CSMD1: variants seen among roughly 807,000 people sequenced by gnomAD.
CSMD1 encodes CUB and Sushi multiple domains 1.
Under a neutral mutation model 417.5 loss-of-function variants are expected in CSMD1, and 213 were observed. The ratio of observed to expected loss-of-function variants is 0.51; its 90% CI spans 0.46 to 0.57. CSMD1 has a LOEUF of 0.57. Among genes scored for constraint, CSMD1 ranks in the 20% least tolerant of loss-of-function variants. The probability of loss-of-function intolerance (pLI) is 0.00; values close to 1 mark genes in which losing one functional copy is unlikely to be tolerated. For synonymous variants in CSMD1, 2,862 were observed against 1,736.8 expected, an observed-to-expected ratio of 1.65 and a Z score of -16.11; for missense variants, 6,923 against 4,529.7, an observed-to-expected ratio of 1.53 and a Z score of -15.17.
chr8:4,582,972 G>A (rs1482655785), intron 2 of CSMD1, among the ~76,000 whole-genome samples: 1 of 152,206 alleles, frequency 6.6e-6, no homozygotes, highest in African/African-American at 2.4e-5. Flanking sequence ...TAGCACCCGG[G>A]CCAGTGGCTG....
intron 5 of CSMD1, among the ~76,000 whole-genome samples, chr8:3,757,119 T>G (rs145542997): frequency 0.015 from 2,345 of 152,278 alleles, 25 homozygotes; most frequent in South Asian, 0.028. Flanking sequence ...GCACTTTATT[T>G]GCATGCCTAC....
intron 3 of CSMD1, among the ~76,000 whole-genome samples, chr8:4,135,953 T>G (rs1803406062): frequency 1.3e-5 from 2 of 152,290 alleles, no homozygotes; most frequent in Non-Finnish European, 2.9e-5. Flanking sequence ...AAACTATTGG[T>G]GTTAAGTCAA....
In CSMD1 at chr8:3,997,987, G is replaced by C. The variant is rs765075434; in HGVS notation, c.734C>G (p.Thr245Ser). The C allele has an allele frequency of 1.9e-6, 3 of 1,610,686 alleles. No individual in the cohort carries two copies. Among genetic ancestry groups the C allele is most frequent in the Non-Finnish European group, 2.5e-6 (3 of 1,178,330 alleles). The change falls in exon 5 of 70, where the codon ACC becomes AGC. Residue 245 changes from threonine (T) to serine (S), a missense_variant. Coordinates refer to ENST00000635120, the MANE Select transcript of CSMD1 (RefSeq NM_033225.6). Reference sequence around the variant, plus strand: ...AAAGTCAGTGAAGACCAGCGCAATGGTGTCCCCGGGCTCAGCCAGAATGGT... The same window carrying C: ...AAAGTCAGTGAAGACCAGCGCAATGCTGTCCCCGGGCTCAGCCAGAATGGT... ...TWTILAEPGD[T>S]IALVFTDFQL...
chr8:4,793,739 T>C (rs572566240), intron 1 of CSMD1, among the ~76,000 whole-genome samples: 2 of 151,894 alleles, frequency 1.3e-5, no homozygotes, highest in East Asian at 3.9e-4. Flanking sequence ...ATGACATTCA[T>C]TGGGATGTGG....
chr8:3,535,675 G>C (rs1367736146), intron 10 of CSMD1, among the ~76,000 whole-genome samples: 1 of 152,220 alleles, frequency 6.6e-6, no homozygotes, highest in Non-Finnish European at 1.5e-5. Flanking sequence ...ATCTATGCAT[G>C]TAACAAAATT....
intron 4 of CSMD1, among the ~76,000 whole-genome samples, chr8:4,029,180 T>A (rs982481874): frequency 2.0e-5 from 3 of 152,154 alleles, no homozygotes; most frequent in Non-Finnish European, 4.4e-5. Flanking sequence ...TGGCATCAAA[T>A]CTTTGAATCC....
intron 3 of CSMD1, among the ~76,000 whole-genome samples, chr8:4,267,530 C>T (rs555701781): frequency 2.0e-5 from 3 of 151,748 alleles, no homozygotes; most frequent in South Asian, 2.1e-4. Context: ...CCCAGCTACA[C>T]TGCAACTCCA....
intron 5 of CSMD1, among the ~76,000 whole-genome samples, chr8:3,817,111 C>A (rs552702340): frequency 1.2e-4 from 18 of 151,964 alleles, no homozygotes; most frequent in African/African-American, 4.3e-4. Flanking sequence ...AAATGAAGAT[C>A]TTATAGAGAG....
intron 8 of CSMD1, among the ~76,000 whole-genome samples, chr8:3,610,645 C>T (rs1801846493): frequency 6.6e-6 from 1 of 152,170 alleles, no homozygotes; most frequent in African/African-American, 2.4e-5. Flanking sequence ...CACTTCAATT[C>T]AACTCAATTT....
chr8:3,600,996 C>T (rs1801335628), intron 8 of CSMD1, among the ~76,000 whole-genome samples: 1 of 152,164 alleles, frequency 6.6e-6, no homozygotes, highest in African/African-American at 2.4e-5. Flanking sequence ...GGTCTCTGTA[C>T]TAATCTCTAT....
chr8:4,939,332 G>T (rs553375296), intron 1 of CSMD1, among the ~76,000 whole-genome samples: 2 of 152,282 alleles, frequency 1.3e-5, no homozygotes, highest in Admixed American at 1.3e-4. Context: ...ATATGTCGAG[G>T]CGGTATCTGC....
intron 3 of CSMD1, among the ~76,000 whole-genome samples, chr8:4,187,432 A>C (rs1001964554): frequency 5.3e-4 from 80 of 152,220 alleles, no homozygotes; most frequent in African/African-American, 1.9e-3. Flanking sequence ...AGATCACCTG[A>C]GGTCAGGAAG....
intron 3 of CSMD1, among the ~76,000 whole-genome samples, chr8:4,046,516 T>C (rs764855044): frequency 2.6e-5 from 4 of 152,188 alleles, no homozygotes; most frequent in Non-Finnish European, 4.4e-5. Context: ...TGGTTGCTGT[T>C]GCCTTACACG....
At chr8:2,941,245 C>T (rs1028806179) in intron 69 of CSMD1, among the ~76,000 whole-genome samples, 3 of 152,190 alleles carry the variant, frequency 2.0e-5, no homozygotes, top group African/African-American at 4.8e-5. Flanking sequence ...GCAGCTAATA[C>T]ACCTTTGAAG....
intron 27 of CSMD1, among the ~76,000 whole-genome samples, chr8:3,227,112 A>T (rs936597268): frequency 2.0e-5 from 3 of 152,098 alleles, no homozygotes; most frequent in African/African-American, 7.2e-5. Context: ...AAGAGATTTT[A>T]AAAATGGGCT....
chr8:4,262,273 G>A (rs1585119183), intron 3 of CSMD1, among the ~76,000 whole-genome samples: 2 of 152,254 alleles, frequency 1.3e-5, no homozygotes, highest in Middle Eastern at 6.8e-3. Flanking sequence ...CCCTCCCTCT[G>A]TTGAGCTTCT....
intron 11 of CSMD1, 37 bp downstream of exon 11, chr8:3,493,586 A>G (rs1796228882): frequency 6.5e-7 from 1 of 1,541,932 alleles, no homozygotes; most frequent in Non-Finnish European, 8.9e-7. Flanking sequence ...CCCGCACTGC[A>G]TGCATAAGAG....
At chr8:3,476,457 G>A (rs1817429202) in intron 11 of CSMD1, among the ~76,000 whole-genome samples, 2 of 152,120 alleles carry the variant, frequency 1.3e-5, no homozygotes, top group South Asian at 4.1e-4. Context: ...TACTTAGGAG[G>A]TGGATTTCTG....
chr8:3,870,770 A>C (rs1400708501), intron 5 of CSMD1, among the ~76,000 whole-genome samples: 1 of 152,126 alleles, frequency 6.6e-6, no homozygotes, highest in Non-Finnish European at 1.5e-5. Context: ...AATGTATATT[A>C]ATTAGAGCTA....
Sources: gnomAD v4.1 joint callset for allele counts (sites outside exome capture counted in the v4.1 genomes callset) on GRCh38, gnomAD v4.1.1 for gene constraint, MANE v1.5 for transcripts, NCBI Gene and HGNC (gene_info 2026-07-23, HGNC 2026-07-21) for gene names.